The following NCKAP1L variants were observed in gnomAD, a reference collection of about 807,000 sequenced individuals.
NCKAP1L encodes NCK associated protein 1 like.
In NCKAP1L, 53 loss-of-function variants were observed where a neutral mutation model predicts 139.2. The observed-to-expected ratio is 0.38, with a 90% CI of 0.31 to 0.48. The LOEUF is 0.48. NCKAP1L is among the 20% of genes least tolerant of loss of function. The pLI is 0.98. For missense variants in NCKAP1L, 1,151 were observed against 1,381.9 expected (o/e 0.83, Z 2.65); for synonymous variants, 468 against 499.7 (o/e 0.94, Z 0.85).
rs1055217829 is a variant in NCKAP1L at position 54,526,417 on chromosome 12, A to G, written c.2157-111A>G. ...TACTATGAGGTTTACATGAGATAAT[A>G]TGTGTAGTAAAATCCTAGCACAGCA... On this transcript the variant is annotated intron_variant, in intron 20 of 30. Coordinates refer to ENST00000293373, the MANE Select transcript of NCKAP1L (RefSeq NM_005337.5). 8.5e-5 allele frequency: 66 copies of G among 778,994 alleles called. No individual in the cohort carries two copies. In the South Asian group the frequency reaches 9.8e-4, roughly 12 times the overall value. The allele number at this position is 778,994 out of a possible 1,614,324, so 48.3% of individuals were successfully genotyped here. A position where few individuals can be genotyped will look rare whatever the true frequency, so the allele number is the denominator to read the frequency against.
intron 22 of NCKAP1L, among the ~76,000 whole-genome samples, chr12:54,529,839 G>A (rs1348434295): frequency 6.6e-6 from 1 of 152,204 alleles, no homozygotes; most frequent in Non-Finnish European, 1.5e-5. Context: ...ATGCCCTAGG[G>A]TTGCTAGCTG....
intron 18 of NCKAP1L, among the ~76,000 whole-genome samples, chr12:54,522,153 C>T (rs1235607934): frequency 6.6e-6 from 1 of 152,172 alleles, no homozygotes; most frequent in Non-Finnish European, 1.5e-5. Context: ...AATTCCTGCC[C>T]TTGGGGAATG....
chr12:54,524,041 A>T, intron 20 of NCKAP1L, 85 bp downstream of exon 20: 1 of 1,433,970 alleles, frequency 7.0e-7, no homozygotes, highest in South Asian at 1.3e-5. Flanking sequence ...TGGTCCTCAA[A>T]GTTGGGTCCC....
intron 28 of NCKAP1L, chr12:54,536,467 C>G (rs1592353318): frequency 4.7e-6 from 2 of 426,870 alleles, no homozygotes; most frequent in South Asian, 2.4e-5. Context: ...GAGTTCCAGA[C>G]CAGCCTAGGC....
chr12:54,538,620 G>A (rs1410647700), intron 29 of NCKAP1L, among the ~76,000 whole-genome samples: 1 of 152,154 alleles, frequency 6.6e-6, no homozygotes, highest in Non-Finnish European at 1.5e-5. Flanking sequence ...TTTGCTCTAG[G>A]TCGTTTCCCT....
In NCKAP1L at chr12:54,499,429, CA is replaced by C. The variant is rs1309024316; in HGVS notation, c.179del (p.Lys60ArgfsTer6). 2 of 1,609,882 alleles carry C rather than the reference CA, an allele frequency of 1.2e-6. No homozygotes were observed. The highest frequency in any genetic ancestry group is 2.7e-5 in the African/African-American group (2 of 74,844). On this transcript the variant is annotated frameshift_variant, in exon 2 of 31. Transcript: ENST00000293373. LOFTEE classifies it high-confidence loss of function. ...TGGAACCATCTCTCAAGTATATCAA[CA>C]AGAAATTTCCCAACATAGATGTCCG... is the stretch of plus-strand genomic sequence containing the variant. ...SMEPSLKYIN[K>X]KFPNIDVRNS... is the part of the protein sequence containing the mutation.
intron 3 of NCKAP1L, among the ~76,000 whole-genome samples, chr12:54,506,796 A>AAAAAAAAATATATATAT: frequency 4.2e-4 from 21 of 50,602 alleles, no homozygotes; most frequent in African/African-American, 7.7e-4. Flanking sequence ...AAAAAAAAAA[A>AAAAAAAAATATATATAT]ATATATATAT....
At chr12:54,516,494 T>G (rs112014882) in intron 10 of NCKAP1L, among the ~76,000 whole-genome samples, 199 bp downstream of exon 10, 8,369 of 151,464 alleles carry the variant, frequency 0.055, 284 homozygotes, top group African/African-American at 0.09. Flanking sequence ...TTGCCCACGC[T>G]GGGTGCAATG....
At chr12:54,537,974 A>T (rs1370745978) in intron 29 of NCKAP1L, among the ~76,000 whole-genome samples, 1 of 152,186 alleles carries the variant, frequency 6.6e-6, no homozygotes, top group African/African-American at 2.4e-5. Context: ...AGAATTTTCC[A>T]TTCTAAATCC....
At chr12:54,505,878 T>A (rs924318149) in intron 3 of NCKAP1L, among the ~76,000 whole-genome samples, 9 of 152,274 alleles carry the variant, frequency 5.9e-5, no homozygotes, top group African/African-American at 2.2e-4. Flanking sequence ...GTCAGGCTGG[T>A]CTCGAACTCC....
At chr12:54,503,451 A>G (rs1283759430) in intron 3 of NCKAP1L, among the ~76,000 whole-genome samples, 2 of 152,082 alleles carry the variant, frequency 1.3e-5, no homozygotes, top group African/African-American at 4.8e-5. Context: ...AAAAGGAAAC[A>G]AATGCAAAGA....
Position 54,531,125 on chromosome 12 carries a change from T to C in NCKAP1L, c.2507-135T>C, listed in dbSNP as rs1957065471. On this transcript the variant is annotated intron_variant, in intron 22 of 30. Transcript: ENST00000293373. ...GTCACTTGAATGTAGGATTTTAGGC[T>C]ATTTTTGCTCCTTGACTTCTCATTT... is the stretch of plus-strand genomic sequence containing the variant. 7.0e-6 allele frequency: 5 copies of C among 711,762 alleles called. No homozygotes were observed. The South Asian group carries it at 8.9e-5, about 13-fold the overall frequency. The allele number at this position is 711,762 out of a possible 1,614,324, so 44.1% of individuals were successfully genotyped here. A position where few individuals can be genotyped will look rare whatever the true frequency, so the allele number is the denominator to read the frequency against.
chr12:54,522,864 G>C (rs1191262946), intron 18 of NCKAP1L, among the ~76,000 whole-genome samples: 1 of 152,088 alleles, frequency 6.6e-6, no homozygotes, highest in Non-Finnish European at 1.5e-5. Flanking sequence ...TAATTAGCAA[G>C]AAATATGCTA....
Position 54,532,424 on chromosome 12 carries a change from C to T in NCKAP1L, c.2862+174C>T, listed in dbSNP as rs149643204. 0.01 allele frequency among the ~76,000 whole-genome samples: 1,566 copies of T among 151,656 alleles called. 10 individuals carry two copies. The highest frequency in any genetic ancestry group is 0.017 in the Non-Finnish European group (1,188 of 67,922). ...TCTTGGAGAGAAAGAGCAGAGCTGG[C>T]AAGATGTAGGGGGATGGAGAGAAGT... On this transcript the variant is annotated intron_variant, in intron 26 of 30. Coordinates refer to ENST00000293373, the MANE Select transcript of NCKAP1L (RefSeq NM_005337.5).
At position 54,517,822 on chromosome 12, in the gene NCKAP1L, C is replaced by T. The variant is rs1188834237; in HGVS notation, c.1222C>T (p.Leu408Phe). ...ACTTTATAGGAGCATTGCAGAGCTA[C>T]TTTTCTTGTTGGAGGGGATTAGGTC... ...DYADSSIAEL[L>F]FLLEGIRSLV... Residue 408 changes from leucine (L) to phenylalanine (F), a missense_variant, in exon 13 of 31, where the codon CTT (leucine) becomes TTT (phenylalanine). Transcript: ENST00000293373. 6.2e-7 allele frequency: 1 copy of T among 1,614,134 alleles called. No individual in the cohort carries two copies.
chr12:54,513,612 A>G (rs1295265376), intron 9 of NCKAP1L, among the ~76,000 whole-genome samples: 1 of 152,210 alleles, frequency 6.6e-6, no homozygotes, highest in African/African-American at 2.4e-5. Flanking sequence ...GATCTGTTAG[A>G]CGATGTTGGG....
intron 18 of NCKAP1L, among the ~76,000 whole-genome samples, chr12:54,521,914 G>GTA (rs1555171819): frequency 6.6e-6 from 1 of 151,344 alleles, no homozygotes; most frequent in African/African-American, 2.4e-5. Flanking sequence ...GTGTGTGTGT[G>GTA]TATACAGATG....
At chr12:54,534,497 G>C (rs1367713763) in intron 26 of NCKAP1L, among the ~76,000 whole-genome samples, 4 of 152,216 alleles carry the variant, frequency 2.6e-5, no homozygotes, top group Non-Finnish European at 5.9e-5. Flanking sequence ...TGCTAAGTCA[G>C]TGGTACCAAC....
intron 29 of NCKAP1L, among the ~76,000 whole-genome samples, chr12:54,537,698 C>A (rs1201650067): frequency 2.6e-5 from 4 of 152,134 alleles, no homozygotes; most frequent in African/African-American, 9.7e-5. Context: ...AGAGTTTCTA[C>A]CTTAGTAGAT....
Sources: gnomAD v4.1 joint callset for allele counts (sites outside exome capture counted in the v4.1 genomes callset) on GRCh38, gnomAD v4.1.1 for gene constraint, MANE v1.5 for transcripts, NCBI Gene and HGNC (gene_info 2026-07-23, HGNC 2026-07-21) for gene names.